CNTNAP2: variants seen among roughly 807,000 people sequenced by gnomAD.
CNTNAP2 encodes the protein contactin associated protein 2.
A neutral mutation model predicts 155.2 loss-of-function variants in CNTNAP2; 98 were observed. That is an observed-to-expected ratio of 0.63 (90% CI 0.54 to 0.75). The LOEUF (loss-of-function observed/expected upper bound fraction) is 0.75. CNTNAP2 is among the 30% of genes least tolerant of loss of function. The pLI is 0.00. For synonymous variants in CNTNAP2, 651 were observed against 631.2 expected (o/e 1.03, Z -0.47); for missense variants, 1,727 against 1,688.1 (o/e 1.02, Z -0.40).
chr7:146,797,353 T>A (rs968471207), intron 2 of CNTNAP2, among the ~76,000 whole-genome samples: 1 of 152,104 alleles, frequency 6.6e-6, no homozygotes, highest in Admixed American at 6.5e-5. Flanking sequence ...TGGAGAAGAT[T>A]GTATGGGAGG....
intron 21 of CNTNAP2, among the ~76,000 whole-genome samples, chr7:148,346,006 A>G (rs1798320822): frequency 6.6e-6 from 1 of 151,968 alleles, no homozygotes; most frequent in African/African-American, 2.4e-5. Context: ...CCCTTTCCCT[A>G]TCAACCAGCC....
chr7:146,957,977 A>C (rs1337847104), intron 3 of CNTNAP2, among the ~76,000 whole-genome samples: 2 of 152,218 alleles, frequency 1.3e-5, no homozygotes, highest in African/African-American at 4.8e-5. Context: ...GATGTACAGA[A>C]TTTATAGTGA....
chr7:147,078,665 T>C (rs546439840), intron 4 of CNTNAP2, among the ~76,000 whole-genome samples: 25 of 152,084 alleles, frequency 1.6e-4, no homozygotes, highest in Non-Finnish European at 3.4e-4. Context: ...CGTTATTTGG[T>C]ATCTATCTAA....
At chr7:146,896,669 G>A (rs546890944) in intron 3 of CNTNAP2, among the ~76,000 whole-genome samples, 1 of 151,962 alleles carries the variant, frequency 6.6e-6, no homozygotes, top group Non-Finnish European at 1.5e-5. Flanking sequence ...AATTACTTTT[G>A]CACCGACCTA....
At chr7:147,765,982 C>T (rs1797376939) in intron 13 of CNTNAP2, among the ~76,000 whole-genome samples, 1 of 152,140 alleles carries the variant, frequency 6.6e-6, no homozygotes, top group Non-Finnish European at 1.5e-5. Context: ...ATGTAGTTGA[C>T]ACTACGATTT....
At chr7:146,567,851 G>C (rs564224640) in intron 1 of CNTNAP2, among the ~76,000 whole-genome samples, 38 of 152,250 alleles carry the variant, frequency 2.5e-4, no homozygotes, top group Middle Eastern at 3.4e-3. Flanking sequence ...CTCCTGAGTA[G>C]CTGGGACTAC....
At position 148,219,408 on chromosome 7, in the gene CNTNAP2, T is replaced by C. The variant is rs907249599; in HGVS notation, c.3247+1884T>C. Among the ~76,000 whole-genome samples, 5 of 152,150 alleles carry C rather than the reference T, an allele frequency of 3.3e-5. No individual in the cohort carries two copies. In the South Asian group the frequency reaches 1.0e-3, roughly 32 times the overall value. On this transcript the variant is annotated intron_variant, in intron 19 of 23. Transcript: ENST00000361727. ...GTTATGGCATCTTAAAGAGCAAGAATTTTGGCTGGGCACTGTGGCTCATGC... is the reference window on the plus strand; with the variant it reads ...GTTATGGCATCTTAAAGAGCAAGAACTTTGGCTGGGCACTGTGGCTCATGC...
chr7:147,710,248 G>T (rs1362789719), intron 13 of CNTNAP2, among the ~76,000 whole-genome samples: 3 of 152,060 alleles, frequency 2.0e-5, no homozygotes, highest in Non-Finnish European at 4.4e-5. Context: ...AGGAATATGT[G>T]CACTGACCAT....
At chr7:147,108,647 G>A (rs1800816288) in intron 5 of CNTNAP2, among the ~76,000 whole-genome samples, 1 of 152,088 alleles carries the variant, frequency 6.6e-6, no homozygotes, top group Non-Finnish European at 1.5e-5. Context: ...AGACCATATA[G>A]CATTTATTAT....
At chr7:147,948,066 T>A (rs935147755) in intron 14 of CNTNAP2, among the ~76,000 whole-genome samples, 1 of 152,150 alleles carries the variant, frequency 6.6e-6, no homozygotes, top group African/African-American at 2.4e-5. Flanking sequence ...ACCTTAAAAA[T>A]TAATTATTTT....
intron 15 of CNTNAP2, among the ~76,000 whole-genome samples, chr7:148,115,712 C>T (rs1158266805): frequency 1.3e-5 from 2 of 152,166 alleles, no homozygotes; most frequent in Non-Finnish European, 2.9e-5. Context: ...GCAACTTGAG[C>T]TTTGCAAAGC....
At chr7:146,791,016 A>T (rs1449596378) in intron 2 of CNTNAP2, among the ~76,000 whole-genome samples, 4 of 151,238 alleles carry the variant, frequency 2.6e-5, no homozygotes, top group Non-Finnish European at 5.9e-5. Context: ...GGTTTGCTGC[A>T]CCCATCAACC....
chr7:146,866,834 A>G (rs1378931754), intron 3 of CNTNAP2, among the ~76,000 whole-genome samples: 1 of 152,138 alleles, frequency 6.6e-6, no homozygotes, highest in African/African-American at 2.4e-5. Flanking sequence ...GATGGAAAAC[A>G]ATGTACCTGA....
intron 3 of CNTNAP2, among the ~76,000 whole-genome samples, chr7:146,994,632 A>G (rs1798273704): frequency 6.6e-6 from 1 of 152,128 alleles, no homozygotes; most frequent in African/African-American, 2.4e-5. Context: ...CCTCTATCCC[A>G]AGAATGTAAC....
intron 1 of CNTNAP2, among the ~76,000 whole-genome samples, chr7:146,646,972 A>C (rs1799822452): frequency 6.6e-6 from 1 of 152,220 alleles, no homozygotes; most frequent in Non-Finnish European, 1.5e-5. Context: ...AACAATGGGC[A>C]ATGATTCTTC....
rs1800182410 is a variant in CNTNAP2 at position 147,566,820 on chromosome 7, A to C, written c.1897+4563A>C. ...CTCAATAATTCAATAGAGAGAGATT[A>C]GGGTTCTCGTGTTAAAATATTTAAT... On this transcript the variant is annotated intron_variant, in intron 12 of 23. Transcript: ENST00000361727. Among the ~76,000 whole-genome samples, 11 of 152,174 alleles carry C rather than the reference A, an allele frequency of 7.2e-5. No individual in the cohort carries two copies. The South Asian group carries it at 2.3e-3, about 32-fold the overall frequency.
intron 1 of CNTNAP2, among the ~76,000 whole-genome samples, chr7:146,403,927 C>G (rs978158453): frequency 6.6e-6 from 1 of 151,610 alleles, no homozygotes; most frequent in Non-Finnish European, 1.5e-5. Flanking sequence ...AGATCGAGAC[C>G]ATCCCGGCTA....
intron 12 of CNTNAP2, among the ~76,000 whole-genome samples, chr7:147,576,841 A>G (rs1039617376): frequency 6.6e-6 from 1 of 152,074 alleles, no homozygotes; most frequent in Non-Finnish European, 1.5e-5. Flanking sequence ...TGTTCTTTTA[A>G]TGAAATGCTA....
At chr7:148,253,659 G>C (rs750958524) in intron 20 of CNTNAP2, among the ~76,000 whole-genome samples, 2 of 152,038 alleles carry the variant, frequency 1.3e-5, no homozygotes, top group Non-Finnish European at 2.9e-5. Flanking sequence ...TCCCACAGGG[G>C]GTCTGCACCA....
Sources: gnomAD v4.1 joint callset for allele counts (sites outside exome capture counted in the v4.1 genomes callset) on GRCh38, gnomAD v4.1.1 for gene constraint, MANE v1.5 for transcripts, NCBI Gene and HGNC (gene_info 2026-07-23, HGNC 2026-07-21) for gene names.